The following MAP4K2 variants were observed in gnomAD, a reference collection of about 807,000 sequenced individuals.
The protein encoded by MAP4K2 is B lymphocyte serine/threonine protein kinase.
A neutral mutation model predicts 125.3 loss-of-function variants in MAP4K2; 85 were observed. That is an observed-to-expected ratio of 0.68 (90% CI 0.57 to 0.81). The LOEUF is 0.81. Ranked by LOEUF, MAP4K2 falls within the 40% of genes least tolerant of loss-of-function variation. The pLI, the probability that MAP4K2 is intolerant of heterozygous loss-of-function variation, is 0.00. For missense variants in MAP4K2, 923 were observed against 1,056.4 expected, an observed-to-expected ratio of 0.87 and a Z score of 1.75; for synonymous variants, 479 against 445.1, an observed-to-expected ratio of 1.08 and a Z score of -0.96.
rs983933062 is a variant in MAP4K2 at position 64,786,719 on chromosome 11, G to A, written c.*2818C>T. ...GCTAACTCATTAATGCTGCTTCCAGGAACTTATCTTCTAGAAGTGCTTGAA... is the reference window on the plus strand; with the variant it reads ...GCTAACTCATTAATGCTGCTTCCAGAAACTTATCTTCTAGAAGTGCTTGAA... On this transcript the variant is annotated 3_prime_UTR_variant, in exon 32 of 32. Transcript: ENST00000294066. 6.6e-6 allele frequency: 1 copy of A among 152,156 alleles called. No individual in the cohort carries two copies. Among genetic ancestry groups the A allele is most frequent in the Non-Finnish European group, 1.5e-5 (1 of 68,036 alleles). 9.4% of individuals were successfully genotyped at this position (152,156 alleles called of 1,614,324 possible).
Position 64,792,093 on chromosome 11 carries a change from G to A in MAP4K2, c.1915-7C>T, listed in dbSNP as rs1940518934. 3 of 1,582,628 alleles carry A rather than the reference G, an allele frequency of 1.9e-6. No individual in the cohort carries two copies. The highest frequency in any genetic ancestry group is 1.7e-6 in the Non-Finnish European group (2 of 1,164,048). ...GCAGAGGGCTGGAGAAGTTCTAGGGGGCAGCAGGGATGCTCAGGTCTCCAT... is the reference window on the plus strand; with the variant it reads ...GCAGAGGGCTGGAGAAGTTCTAGGGAGCAGCAGGGATGCTCAGGTCTCCAT... On this transcript the variant is annotated splice_region_variant and splice_polypyrimidine_tract_variant and intron_variant, in intron 26 of 31. Transcript: ENST00000294066.
chr11:64,796,993 G>C lies in MAP4K2; in HGVS notation c.1396C>G (p.Pro466Ala). 6.2e-7 allele frequency: 1 copy of C among 1,613,964 alleles called. No individual in the cohort carries two copies. Among genetic ancestry groups the C allele is most frequent in the African/African-American group, 1.3e-5 (1 of 75,056 alleles). The change falls in exon 20 of 32, where the codon CCC becomes GCC. Residue 466 changes from proline to alanine, a missense_variant. Transcript: ENST00000294066. ...RSSCHGLPPT[P>A]KVHMGACFSK... The stretch of plus-strand genomic sequence containing the variant: ...GGGCAAACACTTACATGCACCTTGG[G>C]AGTTGGGGGGAGCCCGTGGCAGGAT...
Position 64,786,069 on chromosome 11 carries a change from A to G in MAP4K2, c.*3468T>C, listed in dbSNP as rs971806623. ...CCTTATCCCATCCCACACTCCTCTC[A>G]GGGACGACCATCTCAGATTTTGTGC... On this transcript the variant is annotated 3_prime_UTR_variant, in exon 32 of 32. Coordinates refer to ENST00000294066, the MANE Select transcript of MAP4K2 (RefSeq NM_004579.5). The G allele has an allele frequency of 3.3e-5, 5 of 152,220 alleles. No homozygotes were observed. The highest frequency in any genetic ancestry group is 1.2e-4 in the African/African-American group (5 of 41,462). 9.4% of individuals were successfully genotyped at this position (152,220 alleles called of 1,614,324 possible).
intron 29 of MAP4K2, 70 bp downstream of exon 29, chr11:64,790,118 C>A (rs920937961): frequency 2.5e-5 from 39 of 1,581,714 alleles, no homozygotes; most frequent in South Asian, 3.3e-5. Context: ...CTACCGCCAG[C>A]CCCAGGCCCC....
chr11:64,790,225 T>A lies in MAP4K2; in HGVS notation c.2211A>T (p.Ala737=), dbSNP rs200441498. The change falls in exon 29 of 32, where the codon GCA becomes GCT. Residue 737 remains alanine, a synonymous_variant. Transcript: ENST00000294066. ...NMQGEPTATL[A]PELTFDFPIE... ...TGGGGAAATCAAAGGTCAGCTCAGG[T>A]GCCAGTGTGGCCGTGGGCTCGCCCT... 1 of 1,614,168 alleles carries A rather than the reference T, an allele frequency of 6.2e-7. No homozygotes were observed. Among genetic ancestry groups the A allele is most frequent in the East Asian group, 2.2e-5 (1 of 44,876 alleles).
Position 64,789,952 on chromosome 11 carries a change from C to A in MAP4K2, c.2256G>T (p.Leu752=). The A allele has an allele frequency of 6.2e-7, 1 of 1,613,416 alleles. No homozygotes were observed. The highest frequency in any genetic ancestry group is 8.5e-7 in the Non-Finnish European group (1 of 1,179,910). The part of the protein sequence containing the change: ...FDFPIETVVC[L]QDSVLAFWSH... ...TCCAGAAGGCCAGCACACTGTCCTG[C>A]AGGCACACTATGGGGGCCAGGCCAC... The change falls in exon 30 of 32, where the codon CTG becomes CTT. Residue 752 remains leucine (L), a synonymous_variant. Transcript: ENST00000294066.
At position 64,802,884 on chromosome 11, in the gene MAP4K2, C is replaced by A; in HGVS notation, c.154+1G>T. The A allele has an allele frequency of 6.2e-7, 1 of 1,601,410 alleles. No homozygotes were observed. Among genetic ancestry groups the A allele is most frequent in the East Asian group, 2.2e-5 (1 of 44,452 alleles). ...CGCAGAGGCCCGACCCGGGCCCTCA[C>A]CTGGGTCTAGCTTGACTATCTTCAC... On this transcript the variant is annotated splice_donor_variant, in intron 2 of 31. Coordinates refer to ENST00000294066, the MANE Select transcript of MAP4K2 (RefSeq NM_004579.5). LOFTEE classifies it high-confidence loss of function.
At position 64,797,210 on chromosome 11, in the gene MAP4K2, C is replaced by A; in HGVS notation, c.1277-18G>T. The A allele has an allele frequency of 6.2e-7, 1 of 1,610,992 alleles. No homozygotes were observed. Among genetic ancestry groups the A allele is most frequent in the Non-Finnish European group, 8.5e-7 (1 of 1,178,626 alleles). ...CAGGGTTCCTGCAGGCACAGGCGTG[C>A]TGTAATTTCCTGCTGTAGCCCCCAC... On this transcript the variant is annotated intron_variant, in intron 18 of 31. Coordinates refer to ENST00000294066, the MANE Select transcript of MAP4K2 (RefSeq NM_004579.5).
chr11:64,802,388 GGCCT>G (rs1941259995), intron 4 of MAP4K2, 27 bp downstream of exon 4: 1 of 1,485,128 alleles, frequency 6.7e-7, no homozygotes, highest in African/African-American at 1.4e-5. Flanking sequence ...GGAAGGCTGG[GGCCT>G]GCTGGGGCCT....
Position 64,802,948 on chromosome 11 carries a change from G to T in MAP4K2, c.97-6C>A. On this transcript the variant is annotated splice_region_variant and splice_polypyrimidine_tract_variant and intron_variant, in intron 1 of 31. Coordinates refer to ENST00000294066, the MANE Select transcript of MAP4K2 (RefSeq NM_004579.5). ...GACGTGACCGTGTCGCGGGCCTGCA[G>T]GGGCGGAGGGTGAAGCGGGATGGGG... 6.4e-7 allele frequency: 1 copy of T among 1,573,150 alleles called. No individual in the cohort carries two copies.
Position 64,785,075 on chromosome 11 carries a change from A to T in MAP4K2, c.*4462T>A, listed in dbSNP as rs1178879990. On this transcript the variant is annotated 3_prime_UTR_variant, in exon 32 of 32. Coordinates refer to ENST00000294066, the MANE Select transcript of MAP4K2 (RefSeq NM_004579.5). Reference sequence around the variant, plus strand: ...AATATTAATGCATGCAACAGGGATGACTCGCAAATCCTTATGCTCAGCTAA... The same window carrying T: ...AATATTAATGCATGCAACAGGGATGTCTCGCAAATCCTTATGCTCAGCTAA... 1.3e-5 allele frequency: 2 copies of T among 152,216 alleles called. No individual in the cohort carries two copies. The highest frequency in any genetic ancestry group is 2.9e-5 in the Non-Finnish European group (2 of 68,042). The allele number at this position is 152,216 out of a possible 1,614,324, so 9.4% of individuals were successfully genotyped here.
In MAP4K2 at chr11:64,803,050, G is replaced by T; in HGVS notation, c.96+4C>A. On this transcript the variant is annotated splice_donor_region_variant and intron_variant, in intron 1 of 31. Transcript: ENST00000294066. Reference sequence around the variant, plus strand: ...TCCCGGCTCTCCCGCCCGTCCCGTCGCACCTTGTAGACGTCGCCATAGGTC... The same window carrying T: ...TCCCGGCTCTCCCGCCCGTCCCGTCTCACCTTGTAGACGTCGCCATAGGTC... 1 of 1,603,554 alleles carries T rather than the reference G, an allele frequency of 6.2e-7. No individual in the cohort carries two copies. Among genetic ancestry groups the T allele is most frequent in the Non-Finnish European group, 8.5e-7 (1 of 1,177,900 alleles).
rs1461291672 is a variant in MAP4K2 at position 64,799,647 on chromosome 11, C to T, written c.952G>A (p.Gly318Arg). ...DMFPDTIHSR[G>R]QHGPAERTPS... Reference sequence around the variant, plus strand: ...GTCCTCTCGGCTGGGCCGTGCTGCCCCCGGGAGTGAATGGTGTCTGGAAAC... The same window carrying T: ...GTCCTCTCGGCTGGGCCGTGCTGCCTCCGGGAGTGAATGGTGTCTGGAAAC... The change falls in exon 13 of 32, where the codon GGG (glycine) becomes AGG (arginine). Residue 318 changes from glycine to arginine, a missense_variant. Around this residue, in one of 2 missense-constraint regions of MAP4K2, gnomAD observed 833 missense variants for 911.4 expected, o/e 0.91. Coordinates refer to ENST00000294066, the MANE Select transcript of MAP4K2 (RefSeq NM_004579.5). 3.1e-6 allele frequency: 5 copies of T among 1,613,864 alleles called. No homozygotes were observed. The highest frequency in any genetic ancestry group is 2.2e-5 in the East Asian group (1 of 44,888).
Position 64,792,072 on chromosome 11 carries a change from A to G in MAP4K2, c.1929T>C (p.Pro643=), listed in dbSNP as rs1215295365. The G allele has an allele frequency of 1.3e-6, 2 of 1,587,604 alleles. No individual in the cohort carries two copies. The highest frequency in any genetic ancestry group is 2.7e-5 in the African/African-American group (2 of 74,340). ...CCAGCATCCCAGCTGGGCTGGGCAG[A>G]GGGCTGGAGAAGTTCTAGGGGGCAG... ...KFLLLKNFSS[P]LPSPAGMLEP... Residue 643 remains proline, a synonymous_variant, in exon 27 of 32, where the codon CCT becomes CCC. Coordinates refer to ENST00000294066, the MANE Select transcript of MAP4K2 (RefSeq NM_004579.5).
At chr11:64,798,724 CA>C (rs1940978389) in intron 15 of MAP4K2, 69 bp downstream of exon 15, 7 of 1,566,248 alleles carry the variant, frequency 4.5e-6, no homozygotes, top group Non-Finnish European at 6.1e-6. Flanking sequence ...CATGAGCCAC[CA>C]CGCCCGGTCA....
At chr11:64,790,742 C>T (rs1308606177) in intron 27 of MAP4K2, among the ~76,000 whole-genome samples, 1 of 152,208 alleles carries the variant, frequency 6.6e-6, no homozygotes, top group Non-Finnish European at 1.5e-5. Flanking sequence ...GACCCAGTCA[C>T]TGTGTGACCT....
At chr11:64,793,001 G>A (rs1320026281) in intron 24 of MAP4K2, among the ~76,000 whole-genome samples, 1 of 152,180 alleles carries the variant, frequency 6.6e-6, no homozygotes, top group Non-Finnish European at 1.5e-5. Context: ...CAGATCACCC[G>A]AGGTCGGGAG....
rs114343345 is a variant in MAP4K2, at chr11:64,799,501, A to G, written c.995-22T>C. 2,206 of 1,612,190 alleles carry G rather than the reference A, an allele frequency of 1.4e-3. 25 individuals are homozygous for G. In the African/African-American group the frequency reaches 0.025, roughly 18 times the overall value. ...TGAACTGGGGGGCCCAGAGTACAAG[A>G]GTGAAGGAGCTGGAGTCTCAGGATG... On this transcript the variant is annotated intron_variant, in intron 13 of 31. Coordinates refer to ENST00000294066, the MANE Select transcript of MAP4K2 (RefSeq NM_004579.5).
intron 22 of MAP4K2, 25 bp downstream of exon 22, chr11:64,796,609 C>T (rs779763126): frequency 1.4e-5 from 22 of 1,613,796 alleles, no homozygotes; most frequent in Admixed American, 1.7e-5. Context: ...AAGGCCTCTG[C>T]CCCCCACAGC....
Sources: allele counts gnomAD v4.1 joint callset (sites outside exome capture counted in the v4.1 genomes callset), GRCh38; gene constraint gnomAD v4.1.1; regional missense constraint gnomAD v4.1.1; transcripts MANE v1.5; gene names NCBI Gene and HGNC (gene_info 2026-07-23, HGNC 2026-07-21).